The following GPRASP2 variants were observed in gnomAD, a reference collection of about 807,000 sequenced individuals.
The protein encoded by GPRASP2 is G protein-coupled receptor associated sorting protein 2, also known as G protein-coupled receptor-associated sorting protein 2.
Under a neutral mutation model 36.0 loss-of-function variants are expected in GPRASP2, and 10 were observed. The observed-to-expected ratio is 0.28, with a 90% CI of 0.17 to 0.47. The LOEUF (loss-of-function observed/expected upper bound fraction) is 0.47, where lower values mean the gene tolerates loss of function less well. Ranked by LOEUF, GPRASP2 falls within the 20% of genes least tolerant of loss-of-function variation. The pLI is 0.99. For missense variants in GPRASP2, 538 were observed against 626.7 expected (o/e 0.86, Z 1.51); for synonymous variants, 219 against 230.5 (o/e 0.95, Z 0.45).
Position 102,717,454 on chromosome X carries a change from C to T in GPRASP2, c.*68C>T. 2.0e-6 allele frequency: 2 copies of T among 997,463 alleles called. No individual in the cohort carries two copies. Among genetic ancestry groups the T allele is most frequent in the Non-Finnish European group, 2.6e-6 (2 of 780,025 alleles). The allele number at this position is 997,463 out of a possible 1,213,427, so 82.2% of individuals were successfully genotyped here. A position where few individuals can be genotyped will look rare whatever the true frequency, so the allele number is the denominator to read the frequency against. ...GAGCCCTGAGTAGTGCTTTGGTGTT[C>T]ACAGTCTGTTTTTTTGTTGTAACTT... On this transcript the variant is annotated 3_prime_UTR_variant, in exon 5 of 5. Coordinates refer to ENST00000483720, the MANE Select transcript of GPRASP2 (RefSeq NM_001004051.4).
chrX:102,714,921 G>C lies in GPRASP2; in HGVS notation c.52G>C (p.Ala18Pro), dbSNP rs200759312. 2.5e-6 allele frequency: 3 copies of C among 1,211,369 alleles called. No homozygotes were observed. The highest frequency in any genetic ancestry group is 1.7e-5 in the African/African-American group (1 of 57,655). The change falls in exon 5 of 5, where the codon GCT becomes CCT. Residue 18 changes from alanine (A) to proline (P), a missense_variant. Physicochemically the swap from Ala to Pro is conservative, Grantham distance 27. Coordinates refer to ENST00000483720, the MANE Select transcript of GPRASP2 (RefSeq NM_001004051.4). ...PSAQAKPEKK[A>P]GEEVIAGPER... ...TGCCCAGGCCAAGCCTGAAAAGAAG[G>C]CTGGGGAAGAGGTTATCGCTGGGCC...
In GPRASP2 at chrX:102,715,824, A is replaced by T; in HGVS notation, c.955A>T (p.Arg319Trp). Residue 319 changes from arginine to tryptophan, a missense_variant, in exon 5 of 5, where the codon AGG becomes TGG. By Grantham distance (101) the Arg-to-Trp change is moderately radical (BLOSUM62 -3). This residue lies in a region of GPRASP2 where 276 missense variants were observed against 275.0 expected (regional missense o/e 1.00). Coordinates refer to ENST00000483720, the MANE Select transcript of GPRASP2 (RefSeq NM_001004051.4). ...GGAGGCAAATATCAGGTCCAAGCTC[A>T]GGACAAATAGAGAAGATTGTTTTGA... The part of the protein sequence containing the change: ...REEANIRSKL[R>W]TNREDCFESE... The T allele has an allele frequency of 1.7e-6, 2 of 1,211,784 alleles. No homozygotes were observed. Among genetic ancestry groups the T allele is most frequent in the Non-Finnish European group, 2.2e-6 (2 of 895,499 alleles).
Position 102,715,446 on chromosome X carries a change from C to G in GPRASP2, c.577C>G (p.Gln193Glu). The change falls in exon 5 of 5, where the codon CAG becomes GAG. Residue 193 changes from glutamine (Q) to glutamate (E), a missense_variant. By Grantham distance (29) the Gln-to-Glu change is conservative. Around this residue, in one of 2 missense-constraint regions of GPRASP2, gnomAD observed 276 missense variants for 275.0 expected, o/e 1.00. Transcript: ENST00000483720. The part of the protein sequence containing the change: ...FPGTQGQKGI[Q>E]PWFGPGEETN... ...TGGCACCCAGGGTCAGAAAGGAATC[C>G]AGCCCTGGTTTGGACCAGGGGAGGA... The G allele has an allele frequency of 8.3e-7, 1 of 1,212,113 alleles. No individual in the cohort carries two copies. Among genetic ancestry groups the G allele is most frequent in the Non-Finnish European group, 1.1e-6 (1 of 895,567 alleles).
At position 102,715,440 on chromosome X, in the gene GPRASP2, G is replaced by C; in HGVS notation, c.571G>C (p.Gly191Arg). Residue 191 changes from glycine to arginine, a missense_variant, in exon 5 of 5, where the codon GGA becomes CGA. Physicochemically the swap from Gly to Arg is moderately radical, Grantham distance 125. This residue lies in a region of GPRASP2 where 276 missense variants were observed against 275.0 expected (regional missense o/e 1.00). Transcript: ENST00000483720. ...ETFPGTQGQK[G>R]IQPWFGPGEE... The stretch of plus-strand genomic sequence containing the variant: ...CTTTCCTGGCACCCAGGGTCAGAAA[G>C]GAATCCAGCCCTGGTTTGGACCAGG... 1 of 1,212,395 alleles carries C rather than the reference G, an allele frequency of 8.2e-7. No homozygotes were observed. Among genetic ancestry groups the C allele is most frequent in the South Asian group, 1.8e-5 (1 of 57,010 alleles).
rs771748252 is a variant in GPRASP2 at position 102,716,381 on chromosome X, T to C, written c.1512T>C (p.His504=). The change falls in exon 5 of 5, where the codon CAT becomes CAC. Residue 504 remains histidine, a synonymous_variant. Coordinates refer to ENST00000483720, the MANE Select transcript of GPRASP2 (RefSeq NM_001004051.4). ...VTVEFKPGLF[H]GVGFRSTSPF... ...TTGAATTCAAACCTGGTCTTTTTCA[T>C]GGGGTTGGCTTCCGATCCACAAGCC... 2 of 1,211,759 alleles carry C rather than the reference T, an allele frequency of 1.7e-6. No individual in the cohort carries two copies. Among genetic ancestry groups the C allele is most frequent in the Non-Finnish European group, 1.1e-6 (1 of 895,547 alleles).
In GPRASP2 at chrX:102,716,913, G is replaced by A. The variant is rs1183674792; in HGVS notation, c.2044G>A (p.Val682Met). 1 of 1,207,320 alleles carries A rather than the reference G, an allele frequency of 8.3e-7. No individual in the cohort carries two copies. Among genetic ancestry groups the A allele is most frequent in the African/African-American group, 1.7e-5 (1 of 57,190 alleles). The change falls in exon 5 of 5, where the codon GTG becomes ATG. Residue 682 changes from valine (V) to methionine (M), a missense_variant. By Grantham distance (21) the Val-to-Met change is conservative. Coordinates refer to ENST00000483720, the MANE Select transcript of GPRASP2 (RefSeq NM_001004051.4). ...CATGATTGAGACATTCATATGTCAA[G>A]TGTGTGAGGAAACCCTTGCACATAG... ...LNMIETFICQVCEETLAHSVD... is the reference protein window; with the variant it reads ...LNMIETFICQMCEETLAHSVD...
chrX:102,717,086 G>T lies in GPRASP2; in HGVS notation c.2217G>T (p.Leu739=), dbSNP rs1363511769. 4.2e-6 allele frequency: 5 copies of T among 1,203,734 alleles called. No individual in the cohort carries two copies. The highest frequency in any genetic ancestry group is 4.4e-5 in the Admixed American group (2 of 45,680). ...TANARTKFHV[L]KMLLNLSENP... Reference sequence around the variant, plus strand: ...ATGCGAGAACGAAGTTTCACGTTCTGAAAATGCTATTGAATTTGTCTGAAA... The same window carrying T: ...ATGCGAGAACGAAGTTTCACGTTCTTAAAATGCTATTGAATTTGTCTGAAA... The change falls in exon 5 of 5, where the codon CTG becomes CTT. Residue 739 remains leucine, a synonymous_variant. Coordinates refer to ENST00000483720, the MANE Select transcript of GPRASP2 (RefSeq NM_001004051.4).
intron 2 of GPRASP2, among the ~76,000 whole-genome samples, chrX:102,713,426 A>G (rs1304796950): frequency 8.9e-6 from 1 of 112,610 alleles, no homozygotes; most frequent in African/African-American, 3.2e-5. Flanking sequence ...GGGGGTGATG[A>G]GGGAGACATA....
chrX:102,716,736 A>G lies in GPRASP2; in HGVS notation c.1867A>G (p.Met623Val). 2.5e-6 allele frequency: 3 copies of G among 1,212,076 alleles called. No individual in the cohort carries two copies. The highest frequency in any genetic ancestry group is 3.3e-6 in the Non-Finnish European group (3 of 895,590). ...TGAAATATCTAAAATTGCAATGGGT[A>G]TGAGAAGTGCTTCTCAATTTACCCG... ...IHEISKIAMG[M>V]RSASQFTRDF... is the part of the protein sequence containing the mutation. Residue 623 changes from methionine to valine, a missense_variant, in exon 5 of 5, where the codon ATG (methionine) becomes GTG (valine). Transcript: ENST00000483720.
At position 102,716,455 on chromosome X, in the gene GPRASP2, A is replaced by C; in HGVS notation, c.1586A>C (p.Lys529Thr). ...EASEMLEAKPKNLELSPEGEE... is the reference protein window; with the variant it reads ...EASEMLEAKPTNLELSPEGEE... ...TCTGAAATGCTTGAGGCAAAGCCCA[A>C]GAACCTGGAACTTAGCCCAGAAGGA... is the stretch of plus-strand genomic sequence containing the variant. Residue 529 changes from lysine (K) to threonine (T), a missense_variant, in exon 5 of 5, where the codon AAG becomes ACG. Lys to Thr is a moderately conservative substitution (Grantham distance 78). This residue lies in a region of GPRASP2 where 262 missense variants were observed against 351.7 expected (regional missense o/e 0.74). Transcript: ENST00000483720. The C allele has an allele frequency of 8.2e-7, 1 of 1,212,287 alleles. No homozygotes were observed. Among genetic ancestry groups the C allele is most frequent in the Non-Finnish European group, 1.1e-6 (1 of 895,650 alleles).
In GPRASP2 at chrX:102,717,481, T is replaced by C. The variant is rs2081981875; in HGVS notation, c.*95T>C. On this transcript the variant is annotated 3_prime_UTR_variant, in exon 5 of 5. Transcript: ENST00000483720. ...CAGTCTGTTTTTTTGTTGTAACTTA[T>C]ATTTTTTAATGCTGATGTTAACTTT... 2 of 970,060 alleles carry C rather than the reference T, an allele frequency of 2.1e-6. No individual in the cohort carries two copies. The highest frequency in any genetic ancestry group is 2.6e-6 in the Non-Finnish European group (2 of 761,493). The allele number at this position is 970,060 out of a possible 1,213,427, so 79.9% of individuals were successfully genotyped here.
chrX:102,715,352 A>T lies in GPRASP2; in HGVS notation c.483A>T (p.Gly161=). Residue 161 remains glycine, a synonymous_variant, in exon 5 of 5, where the codon GGA becomes GGT. Transcript: ENST00000483720. Reference sequence around the variant, plus strand: ...GGCCACTGGCCACTGCTGAGTCTGGATCAGTTACTAAATCTAAGGGCCTGT... The same window carrying T: ...GGCCACTGGCCACTGCTGAGTCTGGTTCAGTTACTAAATCTAAGGGCCTGT... ...VAWPLATAES[G]SVTKSKGLSM... is the part of the protein sequence containing the mutation. 8.2e-7 allele frequency: 1 copy of T among 1,212,242 alleles called. No homozygotes were observed. Among genetic ancestry groups the T allele is most frequent in the Non-Finnish European group, 1.1e-6 (1 of 895,608 alleles).
In GPRASP2 at chrX:102,716,612, T is replaced by C. The variant is rs368065140; in HGVS notation, c.1743T>C (p.Ser581=). 7 of 1,210,131 alleles carry C rather than the reference T, an allele frequency of 5.8e-6. No individual in the cohort carries two copies. The African/African-American group carries it at 1.0e-4, about 18-fold the overall frequency. The part of the protein sequence containing the change: ...LRARESAESE[S]WSCSCIQCEL... ...CCAGGGAGAGTGCAGAGTCTGAGAG[T>C]TGGTCCTGCAGCTGCATACAATGTG... is the stretch of plus-strand genomic sequence containing the variant. Residue 581 remains serine (S), a synonymous_variant, in exon 5 of 5, where the codon AGT becomes AGC. Transcript: ENST00000483720.
rs1158063083 is a variant in GPRASP2 at position 102,714,571 on chromosome X, G to A, written c.-299G>A. On this transcript the variant is annotated 5_prime_UTR_variant, in exon 5 of 5. Coordinates refer to ENST00000483720, the MANE Select transcript of GPRASP2 (RefSeq NM_001004051.4). ...CAGTGGCTGCTCTGCTGGTGGTGGA[G>A]TTGCTGCTGACAACCACCCTCAACG... The A allele has an allele frequency of 1.0e-5, 3 of 297,366 alleles. No individual in the cohort carries two copies. Among genetic ancestry groups the A allele is most frequent in the African/African-American group, 8.0e-5 (3 of 37,384 alleles). 24.5% of individuals were successfully genotyped at this position (297,366 alleles called of 1,213,427 possible). A position where few individuals can be genotyped will look rare whatever the true frequency, so the allele number is the denominator to read the frequency against.
In GPRASP2 at chrX:102,715,045, C is replaced by T. The variant is rs1327200158; in HGVS notation, c.176C>T (p.Ala59Val). 5.0e-5 allele frequency: 61 copies of T among 1,211,156 alleles called. No individual in the cohort carries two copies. The highest frequency in any genetic ancestry group is 4.4e-4 in the South Asian group (25 of 56,914). ...AAAACTGAGACCAAGTCTGTGCCTG[C>T]GGCAAGGCCCAAAACTGAGGCCCAA... Reference protein sequence around the residue: ...RPKTETKSVPAARPKTEAQAM... With the variant: ...RPKTETKSVPVARPKTEAQAM... Residue 59 changes from alanine (A) to valine (V), a missense_variant, in exon 5 of 5, where the codon GCG becomes GTG. Ala to Val is a moderately conservative substitution (Grantham distance 64). This residue lies in a region of GPRASP2 where 276 missense variants were observed against 275.0 expected (regional missense o/e 1.00). Coordinates refer to ENST00000483720, the MANE Select transcript of GPRASP2 (RefSeq NM_001004051.4).
chrX:102,716,238 G>C lies in GPRASP2; in HGVS notation c.1369G>C (p.Asp457His). 2 of 1,212,041 alleles carry C rather than the reference G, an allele frequency of 1.7e-6. No homozygotes were observed. The highest frequency in any genetic ancestry group is 1.7e-5 in the African/African-American group (1 of 57,826). Residue 457 changes from aspartate (D) to histidine (H), a missense_variant, in exon 5 of 5, where the codon GAT (aspartate) becomes CAT (histidine). Around this residue, in one of 2 missense-constraint regions of GPRASP2, gnomAD observed 262 missense variants for 351.7 expected, o/e 0.74. Transcript: ENST00000483720. ...ATTTGGGTCCTGGTTCTGGGACAGAGATGAGGCCTGCTTTGACCTAAATCC... is the reference window on the plus strand; with the variant it reads ...ATTTGGGTCCTGGTTCTGGGACAGACATGAGGCCTGCTTTGACCTAAATCC... ...AIFGSWFWDR[D>H]EACFDLNPCP...
At chrX:102,714,473 C>T (rs6621548) in intron 4 of GPRASP2, 64 bp from the exon 5 acceptor site, 1,434 of 135,753 alleles carry the variant, frequency 0.011, 4 homozygotes, top group East Asian at 0.047. Context: ...CAACATCAGT[C>T]GCACTGCATA....
chrX:102,713,634 G>T (rs2081913238), intron 2 of GPRASP2, 148 bp from the exon 3 acceptor site: 1 of 112,592 alleles, frequency 8.9e-6, no homozygotes, highest in Admixed American at 9.3e-5. Flanking sequence ...AATAAAACGA[G>T]AATATTCCAC....
chrX:102,712,889 C>T (rs953362046), intron 1 of GPRASP2, among the ~76,000 whole-genome samples: 8 of 112,790 alleles, frequency 7.1e-5, no homozygotes, highest in Non-Finnish European at 1.1e-4. Context: ...GGGGGAGGCT[C>T]CTGCGGGAGA....
Sources: allele counts gnomAD v4.1 joint callset (sites outside exome capture counted in the v4.1 genomes callset), GRCh38; gene constraint gnomAD v4.1.1; regional missense constraint gnomAD v4.1.1; transcripts MANE v1.5; gene names NCBI Gene and HGNC (gene_info 2026-07-23, HGNC 2026-07-21).